The following ZNF618 variants were observed in gnomAD, a reference collection of about 807,000 sequenced individuals.
ZNF618 encodes neural precursor cell expressed, developmentally down-regulated 10.
Under a neutral mutation model 103.0 loss-of-function variants are expected in ZNF618, and 34 were observed. The ratio of observed to expected loss-of-function variants is 0.33; its 90% CI spans 0.25 to 0.44. ZNF618 has a LOEUF of 0.44. ZNF618 is among the 20% of genes least tolerant of loss of function. The pLI is 1.00. For synonymous variants in ZNF618, 551 were observed against 542.2 expected (o/e 1.02, Z -0.23); for missense variants, 1,059 against 1,295.4 (o/e 0.82, Z 2.80).
chr9:113,881,717 C>T (rs1299590970), intron 1 of ZNF618, among the ~76,000 whole-genome samples: 2 of 152,260 alleles, frequency 1.3e-5, no homozygotes, highest in African/African-American at 2.4e-5. Flanking sequence ...ACCTTTCAGA[C>T]CTCTTGGTTT....
At chr9:113,967,233 T>C (rs1190907409) in intron 1 of ZNF618, among the ~76,000 whole-genome samples, 1 of 152,250 alleles carries the variant, frequency 6.6e-6, no homozygotes, top group African/African-American at 2.4e-5. Context: ...CTGCTGCTTA[T>C]GATACAAACA....
At chr9:114,008,590 G>T in intron 9 of ZNF618, 36 bp downstream of exon 9, 1 of 1,610,576 alleles carries the variant, frequency 6.2e-7, no homozygotes, top group Non-Finnish European at 8.5e-7. Flanking sequence ...AGGGCTGGGT[G>T]GGGGCTGGCC....
At chr9:114,000,253 C>T (rs1019634764) in intron 4 of ZNF618, among the ~76,000 whole-genome samples, 2 of 152,080 alleles carry the variant, frequency 1.3e-5, no homozygotes, top group African/African-American at 2.4e-5. Context: ...CTCGTTGATA[C>T]AGACCTCAGT....
chr9:113,973,616 A>G (rs915979886), intron 2 of ZNF618, among the ~76,000 whole-genome samples: 3 of 152,200 alleles, frequency 2.0e-5, no homozygotes, highest in African/African-American at 7.2e-5. Context: ...TGTGCAGGTT[A>G]CAAATCATGT....
At chr9:114,004,633 G>T (rs1416571477) in intron 6 of ZNF618, among the ~76,000 whole-genome samples, 3 of 152,094 alleles carry the variant, frequency 2.0e-5, no homozygotes, top group African/African-American at 7.2e-5. Flanking sequence ...CCTCCCTGCG[G>T]CCATTGCGCG....
chr9:113,898,458 A>G (rs1374857870), intron 1 of ZNF618, among the ~76,000 whole-genome samples: 2 of 125,906 alleles, frequency 1.6e-5, no homozygotes, highest in South Asian at 2.5e-4. Context: ...TTTTTTTTTA[A>G]GAGATGGGGT....
chr9:113,899,781 A>G (rs1473272182), intron 1 of ZNF618, among the ~76,000 whole-genome samples: 5 of 152,210 alleles, frequency 3.3e-5, no homozygotes, highest in African/African-American at 1.2e-4. Flanking sequence ...CTCAAGGTGC[A>G]TCTGTGTTGT....
At chr9:113,917,667 A>G (rs1832251965) in intron 1 of ZNF618, among the ~76,000 whole-genome samples, 2 of 152,220 alleles carry the variant, frequency 1.3e-5, no homozygotes, top group South Asian at 2.1e-4. Context: ...TTACTGTTTA[A>G]AAAACAATTT....
intron 1 of ZNF618, among the ~76,000 whole-genome samples, chr9:113,966,854 C>A (rs1296430764): frequency 6.6e-6 from 1 of 152,250 alleles, no homozygotes; most frequent in Non-Finnish European, 1.5e-5. Flanking sequence ...AAGTATTTGA[C>A]AATTCTTTGA....
intron 1 of ZNF618, among the ~76,000 whole-genome samples, chr9:113,950,782 G>A (rs1835488816): frequency 6.6e-6 from 1 of 152,146 alleles, no homozygotes; most frequent in African/African-American, 2.4e-5. Context: ...GGGAAGTGGA[G>A]TAGGGCAGTG....
chr9:114,039,318 T>A (rs1435450031), intron 13 of ZNF618, among the ~76,000 whole-genome samples: 1 of 150,864 alleles, frequency 6.6e-6, no homozygotes. Context: ...CCACACCTGG[T>A]TTCTTTCTTT....
intron 10 of ZNF618, among the ~76,000 whole-genome samples, chr9:114,025,033 G>A (rs1006146663): frequency 6.6e-6 from 1 of 152,146 alleles, no homozygotes; most frequent in Admixed American, 6.5e-5. Flanking sequence ...CTCACATCAT[G>A]TTTTCTCTCC....
At position 113,899,497 on chromosome 9, in the gene ZNF618, G is replaced by A. The variant is rs375233745; in HGVS notation, c.33+23084G>A. On this transcript the variant is annotated intron_variant, in intron 1 of 14. Coordinates refer to ENST00000374126, the MANE Select transcript of ZNF618 (RefSeq NM_001318042.2). ...TCAGCAACACCGTTAGATTCTCATA[G>A]GAGCGCGAACCCTATTGTGAATTGT... Among the ~76,000 whole-genome samples the A allele has an allele frequency of 4.0e-3, 607 of 152,288 alleles. 6 individuals carry two copies. Among genetic ancestry groups the A allele is most frequent in the African/African-American group, 0.013 (557 of 41,566 alleles).
At chr9:113,917,009 G>T (rs1415335003) in intron 1 of ZNF618, among the ~76,000 whole-genome samples, 1 of 152,132 alleles carries the variant, frequency 6.6e-6, no homozygotes, top group South Asian at 2.1e-4. Flanking sequence ...AGGAAGAGGG[G>T]CATGGAGAGG....
chr9:114,044,796 G>GT (rs1412324151), intron 13 of ZNF618, among the ~76,000 whole-genome samples: 3 of 151,550 alleles, frequency 2.0e-5, no homozygotes, highest in South Asian at 2.1e-4. Context: ...TTTTTTGTTT[G>GT]TTTTTTTGTT....
intron 1 of ZNF618, among the ~76,000 whole-genome samples, chr9:113,951,548 CATATGTGTGTGT>C (rs776625782): frequency 5.0e-5 from 3 of 59,634 alleles, no homozygotes; most frequent in Non-Finnish European, 1.0e-4. Flanking sequence ...CATATGTACA[CATATGTGTGTGT>C]ATATGTGTGT....
chr9:114,030,098 A>T (rs1430542231), intron 11 of ZNF618, among the ~76,000 whole-genome samples: 1 of 152,184 alleles, frequency 6.6e-6, no homozygotes, highest in African/African-American at 2.4e-5. Flanking sequence ...CAGGTAAAGG[A>T]TCCACTTGGT....
intron 1 of ZNF618, among the ~76,000 whole-genome samples, chr9:113,928,824 A>G (rs1240885539): frequency 6.6e-6 from 1 of 152,136 alleles, no homozygotes; most frequent in Admixed American, 6.6e-5. Context: ...CTCAATTATT[A>G]TTATTTTTTA....
intron 1 of ZNF618, among the ~76,000 whole-genome samples, chr9:113,883,987 C>T (rs796466853): frequency 8.1e-5 from 2 of 24,776 alleles, no homozygotes; most frequent in Non-Finnish European, 3.7e-4. Flanking sequence ...GCTTGGCCCC[C>T]CCCCCCCCCC....
Sources: allele counts gnomAD v4.1 joint callset (sites outside exome capture counted in the v4.1 genomes callset), GRCh38; gene constraint gnomAD v4.1.1; transcripts MANE v1.5; gene names NCBI Gene and HGNC (gene_info 2026-07-23, HGNC 2026-07-21).